The following CCBE1 variants were observed in gnomAD, a reference collection of about 807,000 sequenced individuals.
CCBE1 encodes the protein collagen and calcium-binding EGF domain-containing protein 1.
In CCBE1, 37 loss-of-function variants were observed where a neutral mutation model predicts 50.0. That is an observed-to-expected ratio of 0.74 (90% CI 0.57 to 0.97). The LOEUF (loss-of-function observed/expected upper bound fraction) is 0.97, where lower values mean the gene tolerates loss of function less well. Ranked by LOEUF, CCBE1 falls within the 50% of genes least tolerant of loss-of-function variation. CCBE1 has a pLI of 0.00. For synonymous variants in CCBE1, 234 were observed against 203.7 expected, an observed-to-expected ratio of 1.15 and a Z score of -1.27; for missense variants, 538 against 523.8, an observed-to-expected ratio of 1.03 and a Z score of -0.26.
intron 5 of CCBE1, among the ~76,000 whole-genome samples, chr18:59,463,072 TAAG>T (rs1277804461): frequency 6.6e-6 from 1 of 152,254 alleles, no homozygotes; most frequent in African/African-American, 2.4e-5. Flanking sequence ...GAAAAATATT[TAAG>T]AAGTACATTT....
At chr18:59,572,351 A>C (rs578041256) in intron 2 of CCBE1, among the ~76,000 whole-genome samples, 15 of 152,166 alleles carry the variant, frequency 9.9e-5, no homozygotes, top group Non-Finnish European at 2.1e-4. Context: ...TAAAGAGACT[A>C]AATAAAAAAG....
intron 2 of CCBE1, among the ~76,000 whole-genome samples, chr18:59,674,092 G>A (rs377003223): frequency 1.9e-4 from 29 of 152,188 alleles, no homozygotes; most frequent in African/African-American, 6.0e-4. Flanking sequence ...TTGGTTGGTA[G>A]GCTATTAATT....
rs374694038 is a variant in CCBE1, at chr18:59,458,245, C to A, written c.554-3294G>T. ...TCAATAAGTCTGTCCATCCATCCAA[C>A]CTTTCCTTCCTCTTATCCATCTATG... On this transcript the variant is annotated intron_variant, in intron 5 of 10. Coordinates refer to ENST00000439986, the MANE Select transcript of CCBE1 (RefSeq NM_133459.4). Among the ~76,000 whole-genome samples, 12 of 152,308 alleles carry A rather than the reference C, an allele frequency of 7.9e-5. No individual in the cohort carries two copies. The East Asian group carries it at 1.5e-3, about 20-fold the overall frequency.
chr18:59,536,281 C>A (rs547616984), intron 2 of CCBE1, among the ~76,000 whole-genome samples: 1 of 152,084 alleles, frequency 6.6e-6, no homozygotes, highest in East Asian at 1.9e-4. Flanking sequence ...GCCCAGCATC[C>A]GCATAGAGCC....
intron 2 of CCBE1, among the ~76,000 whole-genome samples, chr18:59,583,685 G>GCA: frequency 2.8e-5 from 1 of 36,232 alleles, no homozygotes; most frequent in South Asian, 1.2e-3. Context: ...GTGTGTGCGC[G>GCA]CGCGCGCGCG....
chr18:59,691,723 A>C (rs2054736347), intron 2 of CCBE1, among the ~76,000 whole-genome samples: 1 of 152,108 alleles, frequency 6.6e-6, no homozygotes. Context: ...CACAACTTTC[A>C]TTTTGTTTCC....
At chr18:59,560,811 C>T (rs1371352595) in intron 2 of CCBE1, among the ~76,000 whole-genome samples, 1 of 152,198 alleles carries the variant, frequency 6.6e-6, no homozygotes, top group Non-Finnish European at 1.5e-5. Context: ...TGGATAACGA[C>T]TCCCCGGACA....
chr18:59,478,224 T>A (rs1413228356), intron 3 of CCBE1, among the ~76,000 whole-genome samples: 1 of 152,126 alleles, frequency 6.6e-6, no homozygotes, highest in East Asian at 1.9e-4. Flanking sequence ...CATAAGCCAA[T>A]CCCTTTAAAA....
At chr18:59,570,537 G>T (rs137939896) in intron 2 of CCBE1, among the ~76,000 whole-genome samples, 1,529 of 152,278 alleles carry the variant, frequency 0.01, 18 homozygotes, top group African/African-American at 0.035. Flanking sequence ...TGGATTTGAC[G>T]TAAGCTCCAG....
intron 2 of CCBE1, among the ~76,000 whole-genome samples, chr18:59,558,271 G>A (rs1243802113): frequency 6.6e-6 from 1 of 152,212 alleles, no homozygotes; most frequent in Non-Finnish European, 1.5e-5. Flanking sequence ...AGTTGAGGTT[G>A]TTGAAAGTGT....
At chr18:59,630,884 C>T (rs552540570) in intron 2 of CCBE1, among the ~76,000 whole-genome samples, 20 of 152,252 alleles carry the variant, frequency 1.3e-4, no homozygotes, top group South Asian at 1.2e-3. Flanking sequence ...TAATTAAGCC[C>T]GTTTAGAGAT....
At chr18:59,611,551 C>G (rs2053568975) in intron 2 of CCBE1, among the ~76,000 whole-genome samples, 1 of 152,134 alleles carries the variant, frequency 6.6e-6, no homozygotes, top group Admixed American at 6.5e-5. Context: ...TTGAGATCAG[C>G]CTGGCCAACA....
At chr18:59,548,236 T>C (rs531928265) in intron 2 of CCBE1, among the ~76,000 whole-genome samples, 6 of 152,310 alleles carry the variant, frequency 3.9e-5, no homozygotes, top group African/African-American at 1.4e-4. Context: ...CAGTGGTCTT[T>C]CCTTTAAAAG....
intron 2 of CCBE1, among the ~76,000 whole-genome samples, chr18:59,518,647 G>T (rs1271029634): frequency 6.6e-6 from 1 of 152,176 alleles, no homozygotes; most frequent in African/African-American, 2.4e-5. Flanking sequence ...GCGACACGTG[G>T]ATGAAGTGGA....
intron 2 of CCBE1, among the ~76,000 whole-genome samples, chr18:59,643,066 C>T (rs1265668487): frequency 6.6e-6 from 1 of 152,016 alleles, no homozygotes; most frequent in Non-Finnish European, 1.5e-5. Context: ...CAGTTCACCA[C>T]TGGATGGCTG....
At chr18:59,494,038 C>A (rs1333535100) in intron 2 of CCBE1, among the ~76,000 whole-genome samples, 1 of 152,162 alleles carries the variant, frequency 6.6e-6, no homozygotes, top group Admixed American at 6.5e-5. Flanking sequence ...AACTGTAAGT[C>A]CATCAAACCT....
At chr18:59,573,099 G>C (rs1351959819) in intron 2 of CCBE1, among the ~76,000 whole-genome samples, 2 of 151,438 alleles carry the variant, frequency 1.3e-5, no homozygotes, top group African/African-American at 4.9e-5. Flanking sequence ...AGGCAGGCCA[G>C]CATGGTAAAA....
chr18:59,640,779 A>C (rs2144644735), intron 2 of CCBE1, among the ~76,000 whole-genome samples: 1 of 152,326 alleles, frequency 6.6e-6, no homozygotes, highest in East Asian at 1.9e-4. Context: ...AAGGAACTTA[A>C]ATTCACAAGC....
At chr18:59,566,851 T>C (rs2052838081) in intron 2 of CCBE1, among the ~76,000 whole-genome samples, 1 of 151,990 alleles carries the variant, frequency 6.6e-6, no homozygotes. Context: ...AATGTTTAGC[T>C]ACCAAAAAAA....
Sources: allele counts gnomAD v4.1 joint callset (sites outside exome capture counted in the v4.1 genomes callset), GRCh38; gene constraint gnomAD v4.1.1; transcripts MANE v1.5; gene names NCBI Gene and HGNC (gene_info 2026-07-23, HGNC 2026-07-21).